CTDP1: variants seen among roughly 807,000 people sequenced by gnomAD.
CTDP1 encodes the protein RNA polymerase II subunit A C-terminal domain phosphatase.
Under a neutral mutation model 91.8 loss-of-function variants are expected in CTDP1, and 47 were observed. The ratio of observed to expected loss-of-function variants is 0.51; its 90% CI spans 0.41 to 0.65. CTDP1 has a LOEUF of 0.65. Ranked by LOEUF, CTDP1 falls within the 30% of genes least tolerant of loss-of-function variation. The pLI is 0.00. For missense variants in CTDP1, 1,272 were observed against 1,373.7 expected (o/e 0.93, Z 1.17); for synonymous variants, 656 against 598.5 (o/e 1.10, Z -1.40).
intron 4 of CTDP1, 127 bp from the exon 5 acceptor site, chr18:79,704,640 G>C: frequency 2.3e-6 from 3 of 1,292,608 alleles, no homozygotes; most frequent in Non-Finnish European, 3.3e-6. Context: ...GGGCACACGC[G>C]TGTCTTCAGA....
At chr18:79,685,567 T>C (rs1317753298) in intron 1 of CTDP1, 2 of 152,144 alleles carry the variant, frequency 1.3e-5, no homozygotes, top group Non-Finnish European at 2.9e-5. Context: ...AGAAAAACAT[T>C]GCTGAATAAA....
At chr18:79,728,742 T>TGTTTTGCCAGTCACCCTGGC (rs1568207402) in intron 10 of CTDP1, among the ~76,000 whole-genome samples, 165 bp from the exon 11 acceptor site, 1 of 152,230 alleles carries the variant, frequency 6.6e-6, no homozygotes, top group African/African-American at 2.4e-5. Context: ...TTCTGATCCA[T>TGTTTTGCCAGTCACCCTGGC]TAACCTCTGA....
At chr18:79,733,840 A>AGGATTCCGT (rs1262280300) in intron 11 of CTDP1, among the ~76,000 whole-genome samples, 28 of 152,164 alleles carry the variant, frequency 1.8e-4, no homozygotes, top group Non-Finnish European at 3.7e-4. Flanking sequence ...ATTTCCGTGC[A>AGGATTCCGT]TTGACAGGAT....
At chr18:79,743,944 C>T (rs1267339138) in intron 12 of CTDP1, among the ~76,000 whole-genome samples, 4 of 151,906 alleles carry the variant, frequency 2.6e-5, no homozygotes, top group Non-Finnish European at 5.9e-5. Flanking sequence ...ACCTCCCGCC[C>T]ATTCTATCCA....
At chr18:79,742,647 T>C (rs1195720690) in intron 12 of CTDP1, among the ~76,000 whole-genome samples, 3 of 152,216 alleles carry the variant, frequency 2.0e-5, no homozygotes, top group African/African-American at 7.2e-5. Flanking sequence ...AGCAGTATAG[T>C]TTTATAGTAT....
intron 12 of CTDP1, among the ~76,000 whole-genome samples, chr18:79,750,197 T>A (rs76871229): frequency 6.6e-6 from 1 of 151,950 alleles, no homozygotes; most frequent in Non-Finnish European, 1.5e-5. Context: ...TTTTTTTTTT[T>A]AAGACAGGGT....
At chr18:79,727,716 G>A (rs551520893) in intron 10 of CTDP1, among the ~76,000 whole-genome samples, 1 of 152,272 alleles carries the variant, frequency 6.6e-6, no homozygotes, top group South Asian at 2.1e-4. Context: ...CCTTCACCAG[G>A]ATGGGTTTTA....
intron 4 of CTDP1, among the ~76,000 whole-genome samples, chr18:79,700,816 A>AG (rs2085842613): frequency 1.3e-5 from 2 of 152,232 alleles, no homozygotes; most frequent in Non-Finnish European, 2.9e-5. Context: ...CTGGCTTCAA[A>AG]GGACAGGCTG....
chr18:79,709,413 C>A (rs1244330926), intron 5 of CTDP1, among the ~76,000 whole-genome samples: 1 of 152,148 alleles, frequency 6.6e-6, no homozygotes, highest in Non-Finnish European at 1.5e-5. Context: ...AGAGGTGATC[C>A]CAAGAAACCT....
chr18:79,719,070 C>A (rs1276308187), intron 10 of CTDP1, among the ~76,000 whole-genome samples: 1 of 152,214 alleles, frequency 6.6e-6, no homozygotes, highest in Admixed American at 6.5e-5. Context: ...GTGGCAGCTC[C>A]CGAACCTGGG....
In CTDP1 at chr18:79,681,717, T is replaced by C. The variant is rs2085373143; in HGVS notation, c.314+1456T>C. Reference sequence around the variant, plus strand: ...CTCACAGGGCCCTTTGAGACACTGATGTGATATCATTTCTCCTCAGATGGA... The same window carrying C: ...CTCACAGGGCCCTTTGAGACACTGACGTGATATCATTTCTCCTCAGATGGA... On this transcript the variant is annotated intron_variant, in intron 1 of 12. Coordinates refer to ENST00000613122, the MANE Select transcript of CTDP1 (RefSeq NM_004715.5). Among the ~76,000 whole-genome samples, 3 of 152,206 alleles carry C rather than the reference T, an allele frequency of 2.0e-5. No individual in the cohort carries two copies. In the South Asian group the frequency reaches 6.2e-4, roughly 32 times the overall value.
At chr18:79,711,550 C>T (rs574388259) in intron 6 of CTDP1, among the ~76,000 whole-genome samples, 7 of 152,292 alleles carry the variant, frequency 4.6e-5, no homozygotes, top group African/African-American at 1.4e-4. Context: ...CCCCACCCCA[C>T]GCACAAGCTC....
intron 10 of CTDP1, among the ~76,000 whole-genome samples, chr18:79,726,810 G>GTGGGGGAAGGGGGTGACGCCA (rs2086453778): frequency 1.9e-5 from 2 of 106,800 alleles, no homozygotes; most frequent in African/African-American, 7.7e-5. Context: ...GGGTGACGCT[G>GTGGGGGAAGGGGGTGACGCCA]TTGCTGGTGG....
In CTDP1 at chr18:79,684,480, A is replaced by G. The variant is rs761748093; in HGVS notation, c.314+4219A>G. ...AGGTGTGAGTGAACCTGTGAAAAGC[A>G]CCAGCACCAGCCAGGCAGGGTGGGT... On this transcript the variant is annotated intron_variant, in intron 1 of 12. Coordinates refer to ENST00000613122, the MANE Select transcript of CTDP1 (RefSeq NM_004715.5). Among the ~76,000 whole-genome samples, 3 of 152,236 alleles carry G rather than the reference A, an allele frequency of 2.0e-5. No homozygotes were observed. The East Asian group carries it at 5.8e-4, about 30-fold the overall frequency.
intron 4 of CTDP1, among the ~76,000 whole-genome samples, chr18:79,699,417 C>T (rs1375713775): frequency 3.9e-5 from 6 of 152,038 alleles, no homozygotes; most frequent in Admixed American, 1.3e-4. Context: ...CCCGCCACCA[C>T]ACCTGGCTAA....
intron 5 of CTDP1, among the ~76,000 whole-genome samples, chr18:79,709,261 A>G (rs2122588784): frequency 6.6e-6 from 1 of 152,374 alleles, no homozygotes; most frequent in African/African-American, 2.4e-5. Context: ...TTGTAAACTA[A>G]CAAGAGATAA....
chr18:79,732,647 A>C (rs2086589289), intron 11 of CTDP1, among the ~76,000 whole-genome samples: 1 of 151,442 alleles, frequency 6.6e-6, no homozygotes, highest in Non-Finnish European at 1.5e-5. Context: ...ATCACGTGAG[A>C]CGTAAGAACT....
At chr18:79,739,308 C>A (rs958733068) in intron 12 of CTDP1, among the ~76,000 whole-genome samples, 3 of 152,224 alleles carry the variant, frequency 2.0e-5, no homozygotes, top group Non-Finnish European at 2.9e-5. Flanking sequence ...CGTGTCTCCC[C>A]CTGTGGGCAA....
chr18:79,747,606 C>T (rs759836825), intron 12 of CTDP1, among the ~76,000 whole-genome samples: 2 of 152,362 alleles, frequency 1.3e-5, no homozygotes, highest in South Asian at 2.1e-4. Flanking sequence ...TGAGGCTTCA[C>T]CTGCTTTGGG....
Sources: allele counts gnomAD v4.1 joint callset (sites outside exome capture counted in the v4.1 genomes callset), GRCh38; gene constraint gnomAD v4.1.1; transcripts MANE v1.5; gene names NCBI Gene and HGNC (gene_info 2026-07-23, HGNC 2026-07-21).